Variants in NCKAP5 observed in about 807,000 individuals in gnomAD.
NCKAP5 encodes the protein nck-associated protein 5.
A neutral mutation model predicts 167.0 loss-of-function variants in NCKAP5; 92 were observed. The observed-to-expected ratio is 0.55, with a 90% CI of 0.47 to 0.66. The LOEUF (loss-of-function observed/expected upper bound fraction) is 0.66, where lower values mean the gene tolerates loss of function less well. Ranked by LOEUF, NCKAP5 falls within the 30% of genes least tolerant of loss-of-function variation. The pLI, the probability that NCKAP5 is intolerant of heterozygous loss-of-function variation, is 0.00. For missense variants in NCKAP5, 2,378 were observed against 2,315.0 expected (o/e 1.03, Z -0.56); for synonymous variants, 891 against 877.4 (o/e 1.02, Z -0.27).
intron 13 of NCKAP5, among the ~76,000 whole-genome samples, chr2:132,786,818 G>A (rs1362042569): frequency 1.3e-5 from 2 of 152,184 alleles, no homozygotes; most frequent in Non-Finnish European, 2.9e-5. Flanking sequence ...TGGTTTCTCA[G>A]GCTCTTTCTA....
At chr2:133,061,249 G>A (rs1333938481) in intron 6 of NCKAP5, among the ~76,000 whole-genome samples, 1 of 152,270 alleles carries the variant, frequency 6.6e-6, no homozygotes, top group East Asian at 1.9e-4. Flanking sequence ...TTTGAGGACT[G>A]CAATTTTGAA....
At chr2:133,591,132 T>C in the NCKAP5 span, among the ~76,000 whole-genome samples, 1 of 152,016 alleles carries the variant, frequency 6.6e-6, no homozygotes, top group East Asian at 1.9e-4. Flanking sequence ...AACCAGTGAG[T>C]GCGGGGAGAG....
chr2:132,673,109 G>A lies in NCKAP5; in HGVS notation c.*180C>T. On this transcript the variant is annotated 3_prime_UTR_variant, in exon 20 of 20. Transcript: ENST00000409261. The stretch of plus-strand genomic sequence containing the variant: ...CAAAGATTCCAAGTTGTCTACCCCA[G>A]GCCTATCTGAACTACTCAAAGATGT... 1 of 1,296,638 alleles carries A rather than the reference G, an allele frequency of 7.7e-7. No homozygotes were observed. Among genetic ancestry groups the A allele is most frequent in the Non-Finnish European group, 9.8e-7 (1 of 1,025,098 alleles). The allele number at this position is 1,296,638 out of a possible 1,614,324, so 80.3% of individuals were successfully genotyped here.
chr2:132,832,742 A>G (rs1471342384), intron 11 of NCKAP5, among the ~76,000 whole-genome samples: 1 of 152,188 alleles, frequency 6.6e-6, no homozygotes, highest in East Asian at 1.9e-4. Context: ...ATGTATATAT[A>G]CCACATTTCT....
intron 1 of NCKAP5, among the ~76,000 whole-genome samples, chr2:133,560,561 A>G (rs1370118162): frequency 6.6e-6 from 1 of 152,210 alleles, no homozygotes; most frequent in Non-Finnish European, 1.5e-5. Context: ...TGGGGAGAAG[A>G]GAACCTTCCC....
chr2:133,411,904 G>A (rs1311250657), intron 3 of NCKAP5, among the ~76,000 whole-genome samples: 3 of 152,070 alleles, frequency 2.0e-5, no homozygotes, highest in Non-Finnish European at 4.4e-5. Flanking sequence ...GAATCACCAT[G>A]TCTGCTAGGT....
At chr2:133,663,865 C>G in the NCKAP5 span, among the ~76,000 whole-genome samples, 1 of 152,142 alleles carries the variant, frequency 6.6e-6, no homozygotes, top group East Asian at 1.9e-4. Flanking sequence ...TCCCACGAAT[C>G]ACAAAAGTTC....
the NCKAP5 span, among the ~76,000 whole-genome samples, chr2:133,665,006 T>C: frequency 7.2e-5 from 11 of 152,190 alleles, no homozygotes; most frequent in South Asian, 4.1e-4. Context: ...GTCAGTTTCA[T>C]AGAGTTGAGG....
chr2:133,403,259 GT>G (rs1453290341), intron 3 of NCKAP5, among the ~76,000 whole-genome samples: 11 of 152,276 alleles, frequency 7.2e-5, no homozygotes, highest in African/African-American at 2.4e-4. Flanking sequence ...GTAATTATGA[GT>G]AATTAAAATG....
intron 19 of NCKAP5, among the ~76,000 whole-genome samples, chr2:132,724,014 A>G (rs565819566): frequency 6.6e-6 from 1 of 152,226 alleles, no homozygotes; most frequent in South Asian, 2.1e-4. Context: ...CTCTCTCTGC[A>G]GCAACATGCG....
intron 3 of NCKAP5, among the ~76,000 whole-genome samples, chr2:133,499,614 C>T (rs1682305972): frequency 6.6e-6 from 1 of 152,126 alleles, no homozygotes; most frequent in South Asian, 2.1e-4. Context: ...GGTTGGAGTG[C>T]AGCAGCACAA....
chr2:133,194,502 T>A (rs1225105239), intron 5 of NCKAP5, among the ~76,000 whole-genome samples: 1 of 152,076 alleles, frequency 6.6e-6, no homozygotes, highest in African/African-American at 2.4e-5. Flanking sequence ...TGATCTCACA[T>A]CTGGCAAGCA....
chr2:132,849,178 T>C (rs1465294353), intron 11 of NCKAP5, among the ~76,000 whole-genome samples: 1 of 152,156 alleles, frequency 6.6e-6, no homozygotes, highest in Non-Finnish European at 1.5e-5. Context: ...TCTCTCTGTA[T>C]ATAGGGAGAA....
intron 3 of NCKAP5, among the ~76,000 whole-genome samples, chr2:133,424,034 A>G (rs954340699): frequency 2.6e-5 from 4 of 151,678 alleles, no homozygotes; most frequent in Non-Finnish European, 5.9e-5. Context: ...GCAGAAAAGT[A>G]TAGATAGAGA....
At chr2:133,053,266 C>T (rs2079671426) in intron 6 of NCKAP5, among the ~76,000 whole-genome samples, 1 of 152,178 alleles carries the variant, frequency 6.6e-6, no homozygotes, top group Admixed American at 6.5e-5. Context: ...TAGAATAACA[C>T]TGTCCAGAAA....
chr2:132,920,765 A>G (rs906500799), intron 8 of NCKAP5, among the ~76,000 whole-genome samples: 1 of 53,218 alleles, frequency 1.9e-5, no homozygotes, highest in African/African-American at 1.0e-4. Flanking sequence ...ATGTATATAT[A>G]TGTATGTATA....
At chr2:133,226,564 C>T (rs984322664) in intron 4 of NCKAP5, among the ~76,000 whole-genome samples, 3 of 149,274 alleles carry the variant, frequency 2.0e-5, no homozygotes, top group African/African-American at 7.4e-5. Flanking sequence ...CCTAATCCGA[C>T]AGGAGTGGAG....
In NCKAP5 at chr2:133,244,402, A is replaced by G. The variant is rs139903187; in HGVS notation, c.144-30623T>C. Among the ~76,000 whole-genome samples the G allele has an allele frequency of 2.0e-3, 311 of 152,146 alleles. 3 individuals are homozygous for G. The highest frequency in any genetic ancestry group is 7.2e-3 in the African/African-American group (298 of 41,504). On this transcript the variant is annotated intron_variant, in intron 4 of 19. Coordinates refer to ENST00000409261, the MANE Select transcript of NCKAP5 (RefSeq NM_207363.3). Reference sequence around the variant, plus strand: ...TTTTTCAGTGTGACTTTTCTCTTTAACCTCCAATCTGTCTCATACAATTTA... The same window carrying G: ...TTTTTCAGTGTGACTTTTCTCTTTAGCCTCCAATCTGTCTCATACAATTTA...
chr2:132,816,526 G>A (rs1558815261), intron 11 of NCKAP5, among the ~76,000 whole-genome samples: 1 of 152,126 alleles, frequency 6.6e-6, no homozygotes, highest in Non-Finnish European at 1.5e-5. Context: ...TTGACAGGAA[G>A]TACGGGAGGA....
Sources: allele counts gnomAD v4.1 joint callset (sites outside exome capture counted in the v4.1 genomes callset), GRCh38; gene constraint gnomAD v4.1.1; transcripts MANE v1.5; gene names NCBI Gene and HGNC (gene_info 2026-07-23, HGNC 2026-07-21).